PTPRS: variants seen among roughly 807,000 people sequenced by gnomAD.
PTPRS encodes receptor-type tyrosine-protein phosphatase S.
A neutral mutation model predicts 215.3 loss-of-function variants in PTPRS; 63 were observed. That is an observed-to-expected ratio of 0.29 (90% CI 0.24 to 0.36). The LOEUF (loss-of-function observed/expected upper bound fraction) is 0.36. PTPRS is among the 10% of genes least tolerant of loss of function. The probability of loss-of-function intolerance (pLI) is 1.00; values close to 1 mark genes in which losing one functional copy is unlikely to be tolerated. For synonymous variants in PTPRS, 1,404 were observed against 1,191.4 expected (o/e 1.18, Z -3.68); for missense variants, 2,258 against 2,825.8 (o/e 0.80, Z 4.56).
At chr19:5,218,860 C>A in intron 23 of PTPRS, 62 bp from the exon 24 acceptor site, 1 of 1,520,164 alleles carries the variant, frequency 6.6e-7, no homozygotes, top group Admixed American at 1.9e-5. Flanking sequence ...GAGGGTGTGC[C>A]GGCCATCAAG....
intron 1 of PTPRS, among the ~76,000 whole-genome samples, chr19:5,336,832 A>C (rs2147322273): frequency 6.6e-6 from 1 of 152,116 alleles, no homozygotes; most frequent in East Asian, 1.9e-4. Flanking sequence ...CTCTCTTCAA[A>C]TTCCCCTCCC....
At chr19:5,334,815 C>T (rs2050440292) in intron 1 of PTPRS, among the ~76,000 whole-genome samples, 1 of 152,124 alleles carries the variant, frequency 6.6e-6, no homozygotes, top group Non-Finnish European at 1.5e-5. Flanking sequence ...CCTCAGTTTC[C>T]CTCTCTGCAA....
At chr19:5,252,873 CAAAAAAAAA>C (rs769636796) in intron 9 of PTPRS, among the ~76,000 whole-genome samples, 15 of 45,702 alleles carry the variant, frequency 3.3e-4, no homozygotes, top group African/African-American at 1.2e-3. Flanking sequence ...AACTCCATCT[CAAAAAAAAA>C]AAAAAAAAAA....
chr19:5,248,316 AAG>A (rs749600643), intron 9 of PTPRS, among the ~76,000 whole-genome samples: 69 of 152,304 alleles, frequency 4.5e-4, no homozygotes, highest in Admixed American at 1.4e-3. Flanking sequence ...TAAAAAAAGA[AAG>A]AGAGAATCTA....
At chr19:5,326,645 C>T (rs2050174648) in intron 1 of PTPRS, among the ~76,000 whole-genome samples, 1 of 150,816 alleles carries the variant, frequency 6.6e-6, no homozygotes, top group Admixed American at 6.6e-5. Context: ...ATGATCGTGC[C>T]ACTGCACTCC....
chr19:5,328,164 T>C (rs1416802820), intron 1 of PTPRS, among the ~76,000 whole-genome samples: 3 of 152,176 alleles, frequency 2.0e-5, no homozygotes, highest in African/African-American at 7.2e-5. Context: ...TTGCCCAGGC[T>C]GGAGTGCAAT....
chr19:5,313,415 C>A (rs977568111), intron 1 of PTPRS, among the ~76,000 whole-genome samples: 4 of 152,202 alleles, frequency 2.6e-5, no homozygotes, highest in Non-Finnish European at 5.9e-5. Context: ...TCTGGGGAAT[C>A]CACGCAGTCA....
At chr19:5,273,683 G>C in intron 3 of PTPRS, 100 bp from the exon 4 acceptor site, 7 of 1,397,188 alleles carry the variant, frequency 5.0e-6, no homozygotes, top group Non-Finnish European at 6.9e-6. Context: ...ATGGCAGTCA[G>C]CCCCATGATC....
intron 1 of PTPRS, among the ~76,000 whole-genome samples, chr19:5,298,102 G>T (rs1019578614): frequency 2.0e-5 from 3 of 152,092 alleles, no homozygotes; most frequent in Non-Finnish European, 2.9e-5. Flanking sequence ...CCTCCTTCCA[G>T]TCTTTCTTCT....
intron 7 of PTPRS, among the ~76,000 whole-genome samples, chr19:5,258,981 G>C (rs904347533): frequency 7.2e-5 from 11 of 152,308 alleles, no homozygotes; most frequent in Admixed American, 7.2e-4. Flanking sequence ...AAGTGTGTTT[G>C]AAATTATGGT....
intron 2 of PTPRS, among the ~76,000 whole-genome samples, chr19:5,283,677 G>A (rs1341479750): frequency 2.6e-5 from 4 of 152,208 alleles, no homozygotes; most frequent in Non-Finnish European, 5.9e-5. Flanking sequence ...AGGCCCTGGA[G>A]GCAGCCAGAC....
In PTPRS at chr19:5,216,713, A is replaced by C; in HGVS notation, c.4096+7T>G. On this transcript the variant is annotated splice_region_variant and intron_variant, in intron 26 of 37. Coordinates refer to ENST00000262963, the MANE Select transcript of PTPRS (RefSeq NM_002850.4). ...AAAGGAAGCCAAAAACAGACACAAG[A>C]ACTAACTTTCAAAGTGAAACCCCGG... 6.4e-7 allele frequency: 1 copy of C among 1,559,288 alleles called. No homozygotes were observed. The highest frequency in any genetic ancestry group is 1.2e-5 in the South Asian group (1 of 85,008).
chr19:5,257,526 G>C lies in PTPRS; in HGVS notation c.706+491C>G, dbSNP rs1413661038. 4.4e-6 allele frequency: 2 copies of C among 450,558 alleles called. No individual in the cohort carries two copies. Among genetic ancestry groups the C allele is most frequent in the East Asian group, 7.0e-5 (1 of 14,260 alleles). 27.9% of individuals were successfully genotyped at this position (450,558 alleles called of 1,614,324 possible). A position where few individuals can be genotyped will look rare whatever the true frequency, so the allele number is the denominator to read the frequency against. On this transcript the variant is annotated intron_variant, in intron 8 of 37. Coordinates refer to ENST00000262963, the MANE Select transcript of PTPRS (RefSeq NM_002850.4). The surrounding 1 kb of genome is among the most constrained non-coding windows in gnomAD (Gnocchi z 4.4). ...CTCGAAGACCCCTCCTCAACTTCTA[G>C]ATTGAGGGCCCTGGATTAGGGGGGG... is the stretch of plus-strand genomic sequence containing the variant.
Position 5,309,996 on chromosome 19 carries a change from C to T in PTPRS, c.-94-23762G>A, listed in dbSNP as rs529863975. Reference sequence around the variant, plus strand: ...CTCCCTCAGAGTAAACGCCCAAGTCCTCCTGGTGCCCCACAAGGGCCTGCA... The same window carrying T: ...CTCCCTCAGAGTAAACGCCCAAGTCTTCCTGGTGCCCCACAAGGGCCTGCA... On this transcript the variant is annotated intron_variant, in intron 1 of 37. Transcript: ENST00000262963. Among the ~76,000 whole-genome samples, 4 of 152,306 alleles carry T rather than the reference C, an allele frequency of 2.6e-5. No homozygotes were observed. In the East Asian group the frequency reaches 7.7e-4, roughly 29 times the overall value.
chr19:5,234,846 GA>G, intron 13 of PTPRS, among the ~76,000 whole-genome samples: 1 of 152,112 alleles, frequency 6.6e-6, no homozygotes. Flanking sequence ...GGGGCTTACT[GA>G]AAAACAGTAA....
rs1381888500 is a variant in PTPRS, at chr19:5,244,111, T to G, written c.1360A>C (p.Asn454His). Residue 454 changes from asparagine to histidine, a missense_variant, in exon 11 of 38, where the codon AAC becomes CAC. Around this residue, in one of 6 missense-constraint regions of PTPRS, gnomAD observed 508 missense variants for 799.4 expected, o/e 0.64. Coordinates refer to ENST00000262963, the MANE Select transcript of PTPRS (RefSeq NM_002850.4). This position sits in a 1 kb window ranked among gnomAD's most constrained non-coding sequence, Gnocchi z 7.2. ...ACGCGGTAGCCGCGGATCAGGCCGT[T>G]GGGCTCCACCGGCTCCTCCCACTGC... ...IVQWEEPVEP[N>H]GLIRGYRVYY... 1.2e-6 allele frequency: 2 copies of G among 1,608,544 alleles called. No individual in the cohort carries two copies.
chr19:5,262,859 A>C, intron 6 of PTPRS, 105 bp downstream of exon 6: 1 of 1,274,720 alleles, frequency 7.8e-7, no homozygotes, highest in Non-Finnish European at 1.1e-6. Context: ...AGTGGGTCAC[A>C]GTTACCATCA....
intron 1 of PTPRS, among the ~76,000 whole-genome samples, chr19:5,310,325 T>C (rs1016019828): frequency 6.6e-6 from 1 of 150,830 alleles, no homozygotes; most frequent in African/African-American, 2.4e-5. Flanking sequence ...TTTCTTTTTT[T>C]TTTTTTTTTT....
chr19:5,334,705 G>A (rs557405690), intron 1 of PTPRS, among the ~76,000 whole-genome samples: 5 of 152,288 alleles, frequency 3.3e-5, no homozygotes, highest in Non-Finnish European at 5.9e-5. Flanking sequence ...CCTGACAATC[G>A]GGCAGAGCTC....
Sources: allele counts gnomAD v4.1 joint callset (sites outside exome capture counted in the v4.1 genomes callset), GRCh38; gene constraint gnomAD v4.1.1; regional missense constraint gnomAD v4.1.1; non-coding constraint Gnocchi (gnomAD v3.1); transcripts MANE v1.5; gene names NCBI Gene and HGNC (gene_info 2026-07-23, HGNC 2026-07-21).